Variants in KCNMA1 observed in about 807,000 individuals in gnomAD.
KCNMA1 encodes the protein Calcium-activated potassium channel subunit alpha-1.
KCNMA1 carries 29 observed loss-of-function variants against 140.0 expected under a neutral mutation model. The ratio of observed to expected loss-of-function variants is 0.21; its 90% CI spans 0.15 to 0.28. KCNMA1 has a LOEUF of 0.28. KCNMA1 is among the 10% of genes least tolerant of loss of function. The probability of loss-of-function intolerance (pLI) is 1.00; values close to 1 mark genes in which losing one functional copy is unlikely to be tolerated. For missense variants in KCNMA1, 880 were observed against 1,602.2 expected (o/e 0.55, Z 7.70); for synonymous variants, 612 against 611.9 (o/e 1.00, Z 0.00).
intron 1 of KCNMA1, among the ~76,000 whole-genome samples, chr10:77,523,231 A>G (rs2054192984): frequency 2.8e-5 from 4 of 141,886 alleles, no homozygotes; most frequent in Non-Finnish European, 4.6e-5. Flanking sequence ...CACACCACAG[A>G]ACCGCATAGT....
chr10:76,909,078 G>A (rs908586570), intron 25 of KCNMA1, among the ~76,000 whole-genome samples: 10 of 152,186 alleles, frequency 6.6e-5, no homozygotes, highest in African/African-American at 2.4e-4. Flanking sequence ...TCCTCTCTCT[G>A]CCACTAACTC....
chr10:77,488,483 G>A (rs573818900), intron 1 of KCNMA1, among the ~76,000 whole-genome samples: 2 of 152,188 alleles, frequency 1.3e-5, no homozygotes, highest in African/African-American at 4.8e-5. Flanking sequence ...AGGGGTGTGG[G>A]ATAAGGCAAG....
intron 1 of KCNMA1, among the ~76,000 whole-genome samples, chr10:77,438,859 C>T (rs1174082122): frequency 6.6e-6 from 1 of 152,066 alleles, no homozygotes; most frequent in African/African-American, 2.4e-5. Context: ...GGTGGATCAC[C>T]TGAGGTCAGG....
chr10:77,450,132 T>G (rs559553052), intron 1 of KCNMA1, among the ~76,000 whole-genome samples: 17 of 152,200 alleles, frequency 1.1e-4, no homozygotes, highest in African/African-American at 3.1e-4. Context: ...CTTGGCTCAC[T>G]TCAACCTTTG....
intron 5 of KCNMA1, among the ~76,000 whole-genome samples, chr10:77,180,096 A>T (rs1387306214): frequency 6.6e-6 from 1 of 152,202 alleles, no homozygotes; most frequent in Non-Finnish European, 1.5e-5. Flanking sequence ...ACAGTCCTGT[A>T]CCCTCAGCAG....
chr10:76,982,197 TA>T (rs2079721134), intron 19 of KCNMA1, among the ~76,000 whole-genome samples: 1 of 152,038 alleles, frequency 6.6e-6, no homozygotes, highest in Admixed American at 6.6e-5. Context: ...ATAATTGCAT[TA>T]AATACGAATA....
chr10:77,026,460 CA>C (rs1437172992), intron 16 of KCNMA1, among the ~76,000 whole-genome samples: 7 of 152,150 alleles, frequency 4.6e-5, no homozygotes, highest in African/African-American at 1.7e-4. Context: ...TGAGTATTGG[CA>C]AAAACATGGG....
chr10:77,502,420 C>G (rs2044252208), intron 1 of KCNMA1, among the ~76,000 whole-genome samples: 1 of 152,172 alleles, frequency 6.6e-6, no homozygotes, highest in African/African-American at 2.4e-5. Context: ...TTCCTATTTG[C>G]CCGAATGCTC....
intron 3 of KCNMA1, among the ~76,000 whole-genome samples, chr10:77,238,914 G>T (rs2154220235): frequency 6.6e-6 from 1 of 152,240 alleles, no homozygotes; most frequent in East Asian, 1.9e-4. Flanking sequence ...CAGTCTACAT[G>T]GTAATATACA....
rs569098356 is a variant in KCNMA1 at position 77,098,174 on chromosome 10, T to C, written c.1224-7664A>G. Among the ~76,000 whole-genome samples the C allele has an allele frequency of 6.6e-5, 10 of 152,314 alleles. No homozygotes were observed. In the South Asian group the frequency reaches 2.1e-3, roughly 32 times the overall value. ...CATATTTTGTAGCTTGTAGCCTACA[T>C]GGAGCCTCAGTCCAAGTCTTTAAAT... On this transcript the variant is annotated intron_variant, in intron 9 of 27. Coordinates refer to ENST00000286628, the MANE Select transcript of KCNMA1 (RefSeq NM_001161352.2).
At chr10:77,591,281 C>T (rs767940892) in intron 1 of KCNMA1, among the ~76,000 whole-genome samples, 5 of 152,344 alleles carry the variant, frequency 3.3e-5, no homozygotes, top group Non-Finnish European at 5.9e-5. Flanking sequence ...AAAGGCACCA[C>T]AGATCGCATG....
Position 76,894,769 on chromosome 10 carries a change from G to C in KCNMA1, c.3148-3050C>G, listed in dbSNP as rs1242069282. ...GAAATGCAAATCAAAACCACAATGA[G>C]ATATTTTACACCTACTAGAATAGCT... is the stretch of plus-strand genomic sequence containing the variant. On this transcript the variant is annotated intron_variant, in intron 25 of 27. Transcript: ENST00000286628. 5.3e-5 allele frequency among the ~76,000 whole-genome samples: 8 copies of C among 152,218 alleles called. No individual in the cohort carries two copies. In the East Asian group the frequency reaches 1.5e-3, roughly 29 times the overall value.
At position 76,888,103 on chromosome 10, in the gene KCNMA1, T is replaced by G. The variant is rs543223232; in HGVS notation, c.3462-588A>C. On this transcript the variant is annotated intron_variant, in intron 27 of 27. Coordinates refer to ENST00000286628, the MANE Select transcript of KCNMA1 (RefSeq NM_001161352.2). ...TTCTTTGGTCAACAGCAGATGTGACTAAGAAAATCACGCTGTTTCACTTAG... is the reference window on the plus strand; with the variant it reads ...TTCTTTGGTCAACAGCAGATGTGACGAAGAAAATCACGCTGTTTCACTTAG... The G allele has an allele frequency of 5.5e-5, 9 of 163,240 alleles. No homozygotes were observed. In the South Asian group the frequency reaches 1.3e-3, roughly 24 times the overall value. The allele number at this position is 163,240 out of a possible 1,614,324, so 10.1% of individuals were successfully genotyped here. A position where few individuals can be genotyped will look rare whatever the true frequency, so the allele number is the denominator to read the frequency against.
chr10:77,474,731 G>T (rs2098241327), intron 1 of KCNMA1, among the ~76,000 whole-genome samples: 2 of 152,166 alleles, frequency 1.3e-5, no homozygotes, highest in Non-Finnish European at 2.9e-5. Context: ...CTGAGAGAAT[G>T]TAAGGAAAGA....
intron 14 of KCNMA1, among the ~76,000 whole-genome samples, chr10:77,067,187 T>C (rs2095986966): frequency 6.6e-6 from 1 of 152,110 alleles, no homozygotes; most frequent in Non-Finnish European, 1.5e-5. Context: ...CCAACAACCC[T>C]CAACCCAACC....
At chr10:77,177,516 C>G (rs1183004524) in intron 5 of KCNMA1, among the ~76,000 whole-genome samples, 1 of 99,144 alleles carries the variant, frequency 1.0e-5, no homozygotes, top group South Asian at 2.9e-4. Context: ...TTTCTTTTTT[C>G]TTTTCTTTAG....
At chr10:76,958,679 T>C (rs1351449131) in intron 20 of KCNMA1, among the ~76,000 whole-genome samples, 1 of 152,128 alleles carries the variant, frequency 6.6e-6, no homozygotes, top group African/African-American at 2.4e-5. Context: ...GGGAAAATCA[T>C]GTGAAGACAG....
chr10:77,575,215 T>C (rs1377843938), intron 1 of KCNMA1, among the ~76,000 whole-genome samples: 1 of 152,202 alleles, frequency 6.6e-6, no homozygotes, highest in Non-Finnish European at 1.5e-5. Context: ...AGGACAGTGC[T>C]GACAGCATCA....
chr10:77,090,364 T>C (rs747903359), intron 10 of KCNMA1, 36 bp downstream of exon 10: 1 of 1,349,798 alleles, frequency 7.4e-7, no homozygotes, highest in Non-Finnish European at 1.1e-6. Context: ...GGTGTGTGGT[T>C]GGGCAGAGGG....
Sources: gnomAD v4.1 joint callset for allele counts (sites outside exome capture counted in the v4.1 genomes callset) on GRCh38, gnomAD v4.1.1 for gene constraint, MANE v1.5 for transcripts, NCBI Gene and HGNC (gene_info 2026-07-23, HGNC 2026-07-21) for gene names.